The following SHANK2 variants were observed in gnomAD, a reference collection of about 807,000 sequenced individuals.
The protein encoded by SHANK2 is SH3 and multiple ankyrin repeat domains protein 2.
Under a neutral mutation model 133.7 loss-of-function variants are expected in SHANK2, and 43 were observed. That is an observed-to-expected ratio of 0.32 (90% CI 0.25 to 0.41). The LOEUF (loss-of-function observed/expected upper bound fraction) is 0.41, where lower values mean the gene tolerates loss of function less well. Among genes scored for constraint, SHANK2 ranks in the 10% least tolerant of loss-of-function variants. SHANK2 has a pLI of 1.00. For missense variants in SHANK2, 1,994 were observed against 2,235.8 expected, an observed-to-expected ratio of 0.89 and a Z score of 2.18; for synonymous variants, 1,017 against 952.8, an observed-to-expected ratio of 1.07 and a Z score of -1.24.
intron 14 of SHANK2, among the ~76,000 whole-genome samples, chr11:70,762,021 C>T (rs1451123873): frequency 1.3e-5 from 2 of 152,182 alleles, no homozygotes; most frequent in African/African-American, 4.8e-5. Flanking sequence ...CTGCCCTGGC[C>T]CCGCCCACTC....
chr11:71,116,592 G>C (rs898045068), intron 4 of SHANK2, among the ~76,000 whole-genome samples: 3 of 152,264 alleles, frequency 2.0e-5, no homozygotes, highest in African/African-American at 7.2e-5. Context: ...CTGTGCTGTT[G>C]AGAACAGCTG....
At chr11:71,103,354 G>A (rs999973373) in intron 6 of SHANK2, among the ~76,000 whole-genome samples, 10 of 152,136 alleles carry the variant, frequency 6.6e-5, no homozygotes, top group African/African-American at 1.9e-4. Context: ...TGGTAGGGTG[G>A]GTAACAGTGC....
chr11:71,205,138 A>G (rs567161418), intron 2 of SHANK2, among the ~76,000 whole-genome samples: 1 of 152,220 alleles, frequency 6.6e-6, no homozygotes, highest in South Asian at 2.1e-4. Flanking sequence ...GTAATGAGCT[A>G]CTCAGACCCA....
At chr11:71,113,266 G>A in intron 5 of SHANK2, 27 bp downstream of exon 5, 1 of 1,547,326 alleles carries the variant, frequency 6.5e-7, no homozygotes, top group South Asian at 1.2e-5. Context: ...TGCCTAACGT[G>A]TAAATAACAG....
At chr11:70,669,717 T>C (rs1448840468) in intron 15 of SHANK2, 1 of 152,562 alleles carries the variant, frequency 6.6e-6, no homozygotes, top group African/African-American at 2.4e-5. Flanking sequence ...TTGAATTCAG[T>C]GTCTCTGATA....
intron 11 of SHANK2, among the ~76,000 whole-genome samples, chr11:70,849,233 C>A (rs1949047239): frequency 6.6e-6 from 1 of 152,160 alleles, no homozygotes; most frequent in African/African-American, 2.4e-5. Flanking sequence ...ATTGTTTGAA[C>A]CCAGGGATCT....
intron 10 of SHANK2, among the ~76,000 whole-genome samples, chr11:70,935,759 G>C (rs1036237865): frequency 3.9e-5 from 6 of 152,262 alleles, no homozygotes; most frequent in East Asian, 1.9e-4. Flanking sequence ...GATCTGAAAG[G>C]CCTACTCCAA....
At chr11:71,124,203 G>GTATTATGATAGTGATGA (rs1565464836) in intron 3 of SHANK2, among the ~76,000 whole-genome samples, 3 of 1,858 alleles carry the variant, frequency 1.6e-3, no homozygotes, top group Non-Finnish European at 3.3e-3. Flanking sequence ...GGTGATGATG[G>GTATTATGATAGTGATGA]TGGTGATGAT....
chr11:70,663,359 G>A (rs559325323), intron 15 of SHANK2, among the ~76,000 whole-genome samples: 1 of 152,250 alleles, frequency 6.6e-6, no homozygotes, highest in South Asian at 2.1e-4. Context: ...CGGGGCAAAC[G>A]TGGATGACAG....
intron 24 of SHANK2, among the ~76,000 whole-genome samples, chr11:70,488,024 G>A (rs1218751272): frequency 3.3e-5 from 5 of 152,250 alleles, no homozygotes; most frequent in Non-Finnish European, 1.5e-5. Flanking sequence ...GGCCCCTGAC[G>A]CTGAGCCGTG....
intron 14 of SHANK2, among the ~76,000 whole-genome samples, chr11:70,716,906 G>A (rs1427205087): frequency 7.6e-5 from 6 of 78,854 alleles, no homozygotes; most frequent in Admixed American, 2.4e-4. Flanking sequence ...CCCCCCCCCC[G>A]CCCAACTGGA....
chr11:70,562,423 T>C (rs1452130031), intron 17 of SHANK2, among the ~76,000 whole-genome samples: 1 of 152,252 alleles, frequency 6.6e-6, no homozygotes, highest in African/African-American at 2.4e-5. Flanking sequence ...GGTCTATTTT[T>C]TGCTTCATGT....
rs781797616 is a variant in SHANK2 at position 70,661,593 on chromosome 11, T to C, written c.1936+3A>G. The stretch of plus-strand genomic sequence containing the variant: ...TATTCAGGCTCAGAGCGGCTGCTCT[T>C]ACCTTTGGCCCCTCGAAGCACGAAT... On this transcript the variant is annotated splice_donor_region_variant and intron_variant, in intron 16 of 25. Transcript: ENST00000601538. 5 of 1,611,454 alleles carry C rather than the reference T, an allele frequency of 3.1e-6. No individual in the cohort carries two copies. In the African/African-American group the frequency reaches 4.0e-5, roughly 13 times the overall value.
At chr11:70,595,196 G>T (rs532439839) in intron 17 of SHANK2, among the ~76,000 whole-genome samples, 8 of 152,224 alleles carry the variant, frequency 5.3e-5, no homozygotes, top group South Asian at 2.1e-4. Flanking sequence ...CGGATGGAGT[G>T]GGGGGTGGCC....
intron 11 of SHANK2, among the ~76,000 whole-genome samples, chr11:70,821,718 C>T (rs543588673): frequency 7.3e-4 from 111 of 152,320 alleles, no homozygotes; most frequent in Non-Finnish European, 1.1e-3. Flanking sequence ...CCACCGTGCC[C>T]GGCCAATATC....
chr11:71,187,504 G>A (rs1353040027), intron 2 of SHANK2, among the ~76,000 whole-genome samples: 1 of 152,048 alleles, frequency 6.6e-6, no homozygotes, highest in Non-Finnish European at 1.5e-5. Flanking sequence ...CAGTTCATGG[G>A]TTTTTCATGT....
At chr11:70,592,332 G>C (rs1554988249) in intron 17 of SHANK2, among the ~76,000 whole-genome samples, 4 of 152,180 alleles carry the variant, frequency 2.6e-5, no homozygotes, top group African/African-American at 7.2e-5. Flanking sequence ...CTGTCTTTGG[G>C]TCAGTCCGAG....
chr11:71,235,381 G>T (rs1249018463), intron 1 of SHANK2, among the ~76,000 whole-genome samples: 1 of 152,042 alleles, frequency 6.6e-6, no homozygotes, highest in Non-Finnish European at 1.5e-5. Context: ...ATCACCTGAG[G>T]TCAGGAATTT....
rs548824652 is a variant in SHANK2 at position 70,625,611 on chromosome 11, T to C, written c.2061+34217A>G. On this transcript the variant is annotated intron_variant, in intron 17 of 25. Transcript: ENST00000601538. ...TACCCAGACCTCCCTCCCTCCATTT[T>C]AGATCAGAAAACTGAGGCCCAGACC... Among the ~76,000 whole-genome samples, 48 of 152,074 alleles carry C rather than the reference T, an allele frequency of 3.2e-4. 1 individual carries two copies. In the South Asian group the frequency reaches 9.8e-3, roughly 31 times the overall value.
Sources: gnomAD v4.1 joint callset for allele counts (sites outside exome capture counted in the v4.1 genomes callset) on GRCh38, gnomAD v4.1.1 for gene constraint, MANE v1.5 for transcripts, NCBI Gene and HGNC (gene_info 2026-07-23, HGNC 2026-07-21) for gene names.